ASCC1: variants seen among roughly 807,000 people sequenced by gnomAD.
ASCC1 encodes the protein ASC-1 complex subunit P50.
In ASCC1, 35 loss-of-function variants were observed where a neutral mutation model predicts 46.6. The ratio of observed to expected loss-of-function variants is 0.75; its 90% CI spans 0.57 to 0.99. The LOEUF is 0.99. Ranked by LOEUF, ASCC1 falls within the 50% of genes least tolerant of loss-of-function variation. ASCC1 has a pLI of 0.00. For missense variants in ASCC1, 376 were observed against 428.7 expected (o/e 0.88, Z 1.09); for synonymous variants, 143 against 146.6 (o/e 0.98, Z 0.18).
At chr10:72,189,143 G>A (rs1055240801) in intron 5 of ASCC1, among the ~76,000 whole-genome samples, 3 of 151,916 alleles carry the variant, frequency 2.0e-5, no homozygotes, top group South Asian at 4.2e-4. Flanking sequence ...GCTCACGGCT[G>A]TAATACCAGC....
chr10:72,115,856 A>G (rs543374224), intron 9 of ASCC1, among the ~76,000 whole-genome samples: 1 of 152,352 alleles, frequency 6.6e-6, no homozygotes, highest in African/African-American at 2.4e-5. Flanking sequence ...AAACACTCTC[A>G]TGAAAGATGC....
intron 5 of ASCC1, among the ~76,000 whole-genome samples, chr10:72,183,587 T>C (rs1180810884): frequency 1.3e-5 from 2 of 151,890 alleles, no homozygotes; most frequent in South Asian, 2.1e-4. Flanking sequence ...AGGTGGAGGT[T>C]GCAGTAAGCT....
intron 5 of ASCC1, among the ~76,000 whole-genome samples, chr10:72,162,967 TAG>T (rs1039099103): frequency 6.9e-6 from 1 of 143,932 alleles, no homozygotes; most frequent in Non-Finnish European, 1.5e-5. Context: ...AGGACTGGAA[TAG>T]ACTTTTCTCC....
intron 5 of ASCC1, among the ~76,000 whole-genome samples, chr10:72,187,442 C>T (rs879383581): frequency 1.5e-4 from 23 of 151,732 alleles, no homozygotes; most frequent in Admixed American, 2.6e-4. Context: ...TCTCTTAGGC[C>T]GGGCGCGGTG....
chr10:72,177,598 G>A (rs1160887581), intron 5 of ASCC1, among the ~76,000 whole-genome samples: 1 of 152,134 alleles, frequency 6.6e-6, no homozygotes, highest in East Asian at 1.9e-4. Flanking sequence ...TGCTTCAGAT[G>A]GATCTATAAG....
intron 3 of ASCC1, among the ~76,000 whole-genome samples, chr10:72,206,496 T>C (rs1004621828): frequency 2.1e-4 from 32 of 152,340 alleles, no homozygotes; most frequent in African/African-American, 7.7e-4. Context: ...TGATCATATA[T>C]GAAAGAGCTT....
chr10:72,175,610 C>A (rs1352671832), intron 5 of ASCC1, among the ~76,000 whole-genome samples: 1 of 152,128 alleles, frequency 6.6e-6, no homozygotes, highest in Admixed American at 6.6e-5. Flanking sequence ...AAAACGTGGA[C>A]AAACATTCAA....
At chr10:72,136,975 G>GT (rs1349120657) in intron 7 of ASCC1, among the ~76,000 whole-genome samples, 1 of 150,714 alleles carries the variant, frequency 6.6e-6, no homozygotes, top group Admixed American at 6.6e-5. Flanking sequence ...TTTAAGAACT[G>GT]TAACACTCAC....
At chr10:72,189,341 G>A (rs916748339) in intron 5 of ASCC1, among the ~76,000 whole-genome samples, 1 of 152,052 alleles carries the variant, frequency 6.6e-6, no homozygotes, top group East Asian at 1.9e-4. Context: ...CTGGGAGGCA[G>A]AGCTTGCAGT....
chr10:72,149,402 C>A (rs1848039507), intron 7 of ASCC1, among the ~76,000 whole-genome samples: 1 of 135,846 alleles, frequency 7.4e-6, no homozygotes. Context: ...CACGCCACTG[C>A]ACTCCCGCCT....
intron 9 of ASCC1, among the ~76,000 whole-genome samples, chr10:72,099,648 C>T (rs971709908): frequency 3.3e-5 from 5 of 152,150 alleles, no homozygotes; most frequent in African/African-American, 1.2e-4. Flanking sequence ...TGGAGAAACC[C>T]CGTCTCTACT....
chr10:72,213,587 A>G (rs1360633206), intron 1 of ASCC1, among the ~76,000 whole-genome samples: 1 of 149,842 alleles, frequency 6.7e-6, no homozygotes, highest in African/African-American at 2.4e-5. Context: ...AAATGATTAA[A>G]AGGCATACAC....
intron 6 of ASCC1, among the ~76,000 whole-genome samples, chr10:72,160,649 C>A (rs1352834873): frequency 2.7e-5 from 4 of 149,910 alleles, no homozygotes; most frequent in Non-Finnish European, 4.4e-5. Flanking sequence ...TTGCTTGAGA[C>A]CAGGAGTTTG....
chr10:72,111,463 G>C (rs925397528), intron 9 of ASCC1, among the ~76,000 whole-genome samples: 1 of 151,904 alleles, frequency 6.6e-6, no homozygotes, highest in African/African-American at 2.4e-5. Flanking sequence ...TCCAGCCTTG[G>C]GTGACAGAGC....
At chr10:72,110,637 A>C (rs1401086703) in intron 9 of ASCC1, among the ~76,000 whole-genome samples, 2 of 152,114 alleles carry the variant, frequency 1.3e-5, no homozygotes, top group East Asian at 3.8e-4. Flanking sequence ...AAATACAAAA[A>C]TCAGCTGGGC....
At chr10:72,159,852 A>C (rs1287094960) in intron 6 of ASCC1, among the ~76,000 whole-genome samples, 1 of 152,084 alleles carries the variant, frequency 6.6e-6, no homozygotes, top group Admixed American at 6.5e-5. Flanking sequence ...TCTTTGAAAA[A>C]ATTAGTTGAA....
At chr10:72,172,911 TTTTTATATTATATATTATATA>T (rs1178922357) in intron 5 of ASCC1, among the ~76,000 whole-genome samples, 8 of 131,928 alleles carry the variant, frequency 6.1e-5, no homozygotes, top group Non-Finnish European at 1.1e-4. Flanking sequence ...ATATATTATA[TTTTTATATTATATATTATATA>T]TTTTATATTA....
intron 7 of ASCC1, among the ~76,000 whole-genome samples, chr10:72,141,323 TATA>T (rs1846988003): frequency 1.3e-5 from 2 of 152,198 alleles, no homozygotes; most frequent in Non-Finnish European, 2.9e-5. Flanking sequence ...TTTCCCAAGA[TATA>T]ATGTTTAGTC....
At chr10:72,208,519 G>A (rs931368261) in intron 3 of ASCC1, among the ~76,000 whole-genome samples, 2 of 152,082 alleles carry the variant, frequency 1.3e-5, no homozygotes, top group Non-Finnish European at 2.9e-5. Flanking sequence ...CAACACTTTG[G>A]GAGGCCGAGG....
Sources: gnomAD v4.1 joint callset for allele counts (sites outside exome capture counted in the v4.1 genomes callset) on GRCh38, gnomAD v4.1.1 for gene constraint, MANE v1.5 for transcripts, NCBI Gene and HGNC (gene_info 2026-07-23, HGNC 2026-07-21) for gene names.